The following GALNT18 variants were observed in gnomAD, a reference collection of about 807,000 sequenced individuals.
The protein encoded by GALNT18 is GalNAc-transferase 18.
A neutral mutation model predicts 69.5 loss-of-function variants in GALNT18; 44 were observed. The ratio of observed to expected loss-of-function variants is 0.63; its 90% CI spans 0.50 to 0.81. GALNT18 has a LOEUF of 0.81. GALNT18 is among the 40% of genes least tolerant of loss of function. GALNT18 has a pLI of 0.00. For synonymous variants in GALNT18, 364 were observed against 318.2 expected (o/e 1.14, Z -1.53); for missense variants, 715 against 810.0 (o/e 0.88, Z 1.42).
At chr11:11,468,273 G>A (rs1199505187) in intron 1 of GALNT18, among the ~76,000 whole-genome samples, 2 of 152,126 alleles carry the variant, frequency 1.3e-5, no homozygotes, top group African/African-American at 4.8e-5. Context: ...CATCTTCCCT[G>A]CCTGAGCATG....
intron 6 of GALNT18, among the ~76,000 whole-genome samples, chr11:11,343,896 A>G (rs1850254036): frequency 6.6e-6 from 1 of 152,134 alleles, no homozygotes; most frequent in Admixed American, 6.5e-5. Flanking sequence ...GCCTTTAGAC[A>G]CGGTACAAGG....
intron 1 of GALNT18, among the ~76,000 whole-genome samples, chr11:11,532,188 G>A (rs766620969): frequency 4.6e-5 from 7 of 152,038 alleles, no homozygotes; most frequent in African/African-American, 7.3e-5. Flanking sequence ...TAAAAAAAAC[G>A]CAGGAGAAAG....
In GALNT18 at chr11:11,621,994, TAGG is replaced by T. The variant is rs1228181261; in HGVS notation, c.-404_-402del. 9 of 164,226 alleles carry T rather than the reference TAGG, an allele frequency of 5.5e-5. No individual in the cohort carries two copies. The highest frequency in any genetic ancestry group is 1.3e-4 in the Admixed American group (2 of 15,746). 10.2% of individuals were successfully genotyped at this position (164,226 alleles called of 1,614,324 possible). A position where few individuals can be genotyped will look rare whatever the true frequency, so the allele number is the denominator to read the frequency against. On this transcript the variant is annotated 5_prime_UTR_variant, in exon 1 of 11. Coordinates refer to ENST00000227756, the MANE Select transcript of GALNT18 (RefSeq NM_198516.3). This position sits in a 1 kb window ranked among gnomAD's most constrained non-coding sequence, Gnocchi z 9.3. ...TGGCGGTCCGACCGGCCCGCGCTGCTAGGAGAACAGCGGCAGCGGCAGCGGCGG... is the reference window on the plus strand; with the variant it reads ...TGGCGGTCCGACCGGCCCGCGCTGCTAGAACAGCGGCAGCGGCAGCGGCGG...
At chr11:11,489,070 C>A (rs1185835282) in intron 1 of GALNT18, among the ~76,000 whole-genome samples, 1 of 152,178 alleles carries the variant, frequency 6.6e-6, no homozygotes, top group African/African-American at 2.4e-5. Flanking sequence ...GTGAAGTGTG[C>A]CCCAAACATG....
At chr11:11,521,358 C>G (rs1857395577) in intron 1 of GALNT18, among the ~76,000 whole-genome samples, 1 of 152,066 alleles carries the variant, frequency 6.6e-6, no homozygotes, top group African/African-American at 2.4e-5. Flanking sequence ...CGGTGTAAGC[C>G]CCACCTGCTA....
At chr11:11,297,036 A>G (rs4304766) in intron 9 of GALNT18, among the ~76,000 whole-genome samples, 44,903 of 151,864 alleles carry the variant, frequency 0.3, 6,655 homozygotes, top group East Asian at 0.37. Flanking sequence ...ACTTAGAACG[A>G]TGGTCCTCAG....
At chr11:11,588,981 C>T (rs570726028) in intron 1 of GALNT18, among the ~76,000 whole-genome samples, 1 of 152,308 alleles carries the variant, frequency 6.6e-6, no homozygotes, top group South Asian at 2.1e-4. Flanking sequence ...GAAGTCAAAG[C>T]TGGCACAATA....
chr11:11,413,839 G>A lies in GALNT18; in HGVS notation c.595+18782C>T, dbSNP rs934086600. Among the ~76,000 whole-genome samples, 2 of 152,198 alleles carry A rather than the reference G, an allele frequency of 1.3e-5. No individual in the cohort carries two copies. Among genetic ancestry groups the A allele is most frequent in the South Asian group, 2.1e-4 (1 of 4,822 alleles). ...ACCTCTTCCGAGAGCCTGGGTATCC[G>A]CTCTGTTCAGCAGTGCCCATCTATC... On this transcript the variant is annotated intron_variant, in intron 3 of 10. Transcript: ENST00000227756. This position sits in a 1 kb window ranked among gnomAD's most constrained non-coding sequence, Gnocchi z 4.7.
chr11:11,481,493 T>C (rs1240314471), intron 1 of GALNT18, among the ~76,000 whole-genome samples: 1 of 152,176 alleles, frequency 6.6e-6, no homozygotes, highest in African/African-American at 2.4e-5. Context: ...ATGGTGACAC[T>C]CAGTGTAGAG....
In GALNT18 at chr11:11,573,964, T is replaced by G. The variant is rs938255914; in HGVS notation, c.235+47395A>C. On this transcript the variant is annotated intron_variant, in intron 1 of 10. Transcript: ENST00000227756. This position sits in a 1 kb window ranked among gnomAD's most constrained non-coding sequence, Gnocchi z 4.6. The stretch of plus-strand genomic sequence containing the variant: ...CAGAGTTCAGAGAAATTAGGATGGC[T>G]GCCCAAGGTCACCTAACTACTCTGA... 2.0e-5 allele frequency among the ~76,000 whole-genome samples: 3 copies of G among 152,178 alleles called. No individual in the cohort carries two copies. The highest frequency in any genetic ancestry group is 4.4e-5 in the Non-Finnish European group (3 of 68,030).
chr11:11,340,908 G>A lies in GALNT18; in HGVS notation c.1189C>T (p.His397Tyr), dbSNP rs770479060. 7 of 1,614,090 alleles carry A rather than the reference G, an allele frequency of 4.3e-6. No homozygotes were observed. Among genetic ancestry groups the A allele is most frequent in the Admixed American group, 3.3e-5 (2 of 60,016 alleles). Residue 397 changes from histidine to tyrosine, a missense_variant, in exon 7 of 11, where the codon CAT (histidine) becomes TAT (tyrosine). Physicochemically the swap from His to Tyr is moderately conservative, Grantham distance 83. Transcript: ENST00000227756. This position sits in a 1 kb window ranked among gnomAD's most constrained non-coding sequence, Gnocchi z 4.2. ...HKPYTEDLTA[H>Y]VRRNALRVAE... ...ACCCTGAGAGCGTTCCTGCGGACAT[G>A]GGCGGTGAGGTCCTCTGTGTAGGGC...
intron 3 of GALNT18, among the ~76,000 whole-genome samples, chr11:11,412,903 C>T (rs1854764152): frequency 6.6e-6 from 1 of 152,126 alleles, no homozygotes; most frequent in African/African-American, 2.4e-5. Flanking sequence ...AAATTAACAC[C>T]CCCAGAAAGC....
rs775832125 is a variant in GALNT18, at chr11:11,382,916, C to G, written c.596-3652G>C. 6.6e-6 allele frequency among the ~76,000 whole-genome samples: 1 copy of G among 152,140 alleles called. No individual in the cohort carries two copies. The highest frequency in any genetic ancestry group is 1.5e-5 in the Non-Finnish European group (1 of 68,032). ...GGCAGGGAGTCTGCTTGCTGTGACT[C>G]TGCCAGATCTAGAGTCAATGTGCAG... On this transcript the variant is annotated intron_variant, in intron 3 of 10. Transcript: ENST00000227756. The surrounding 1 kb of genome is among the most constrained non-coding windows in gnomAD (Gnocchi z 4.3).
At chr11:11,530,501 G>A (rs1857621894) in intron 1 of GALNT18, among the ~76,000 whole-genome samples, 1 of 152,204 alleles carries the variant, frequency 6.6e-6, no homozygotes, top group Non-Finnish European at 1.5e-5. Context: ...TTGTGATCTG[G>A]AGTGCATTTT....
intron 1 of GALNT18, among the ~76,000 whole-genome samples, chr11:11,524,505 C>T (rs1274784077): frequency 6.6e-6 from 1 of 152,168 alleles, no homozygotes; most frequent in Non-Finnish European, 1.5e-5. Context: ...CTAGCAGAAG[C>T]TTTAGGAGCC....
Position 11,432,752 on chromosome 11 carries a change from T to C in GALNT18, c.464A>G (p.Glu155Gly). The C allele has an allele frequency of 6.2e-7, 1 of 1,614,120 alleles. No homozygotes were observed. Among genetic ancestry groups the C allele is most frequent in the South Asian group, 1.1e-5 (1 of 91,052 alleles). Residue 155 changes from glutamate to glycine, a missense_variant, in exon 3 of 11, where the codon GAG (glutamate) becomes GGG (glycine). Transcript: ENST00000227756. This position sits in a 1 kb window ranked among gnomAD's most constrained non-coding sequence, Gnocchi z 5.8. ...RNLSFPDSLP[E>G]VSIVFIFVNE... ...GACGAAGATGAACACGATGCTCACC[T>C]CTGGCAGGCTGTCAGGAAATGAGAG...
chr11:11,372,222 G>A lies in GALNT18; in HGVS notation c.1092+293C>T, dbSNP rs1850924767. 6.6e-6 allele frequency among the ~76,000 whole-genome samples: 1 copy of A among 152,138 alleles called. No homozygotes were observed. ...TTATTGCTTCCTAGAGCACACCTTT[G>A]CTCACTCTGATGGGCCTCAGTTTGA... On this transcript the variant is annotated intron_variant, in intron 6 of 10. Transcript: ENST00000227756. This position sits in a 1 kb window ranked among gnomAD's most constrained non-coding sequence, Gnocchi z 4.9.
rs910469124 is a variant in GALNT18 at position 11,409,967 on chromosome 11, C to T, written c.595+22654G>A. 3.9e-5 allele frequency among the ~76,000 whole-genome samples: 6 copies of T among 152,172 alleles called. No homozygotes were observed. The East Asian group carries it at 1.2e-3, about 29-fold the overall frequency. On this transcript the variant is annotated intron_variant, in intron 3 of 10. Coordinates refer to ENST00000227756, the MANE Select transcript of GALNT18 (RefSeq NM_198516.3). ...GCAACTAGAAGTTAACTCAAAGCTC[C>T]CTGCACTACCAGGGTTACGCCCTGC...
At chr11:11,351,977 C>G in intron 6 of GALNT18, 1 of 1,609,028 alleles carries the variant, frequency 6.2e-7, no homozygotes, top group Admixed American at 1.7e-5. Context: ...CTGGAACAGG[C>G]ATCCCAAGGG....
Sources: gnomAD v4.1 joint callset for allele counts (sites outside exome capture counted in the v4.1 genomes callset) on GRCh38, gnomAD v4.1.1 for gene constraint, Gnocchi (gnomAD v3.1) non-coding constraint, MANE v1.5 for transcripts, NCBI Gene and HGNC (gene_info 2026-07-23, HGNC 2026-07-21) for gene names.